The following SLC15A2 variants were observed in gnomAD, a reference collection of about 807,000 sequenced individuals.
The protein encoded by SLC15A2 is kidney H(+)/peptide cotransporter.
Under a neutral mutation model 95.5 loss-of-function variants are expected in SLC15A2, and 77 were observed. The ratio of observed to expected loss-of-function variants is 0.81; its 90% CI spans 0.67 to 0.97. The LOEUF (loss-of-function observed/expected upper bound fraction) is 0.97, where lower values mean the gene tolerates loss of function less well. Among genes scored for constraint, SLC15A2 ranks in the 50% least tolerant of loss-of-function variants. The pLI is 0.00. For missense variants in SLC15A2, 893 were observed against 874.4 expected, an observed-to-expected ratio of 1.02 and a Z score of -0.27; for synonymous variants, 306 against 306.9, an observed-to-expected ratio of 1.00 and a Z score of 0.03.
intron 3 of SLC15A2, among the ~76,000 whole-genome samples, chr3:121,908,845 A>G (rs1024989368): frequency 4.6e-5 from 7 of 151,956 alleles, no homozygotes; most frequent in Admixed American, 4.6e-4. Flanking sequence ...AGTTAAATAT[A>G]GAAGCTCTAC....
At chr3:121,896,795 A>G (rs1003287198) in intron 2 of SLC15A2, among the ~76,000 whole-genome samples, 2 of 150,818 alleles carry the variant, frequency 1.3e-5, no homozygotes, top group Non-Finnish European at 3.0e-5. Flanking sequence ...AGGCTGAAGC[A>G]GGAGGATTGC....
chr3:121,910,531 A>T (rs1709744732), intron 3 of SLC15A2, among the ~76,000 whole-genome samples: 1 of 152,058 alleles, frequency 6.6e-6, no homozygotes. Flanking sequence ...CATACACTTT[A>T]AGTTCCCTTC....
At chr3:121,929,191 A>G in intron 16 of SLC15A2, 45 bp downstream of exon 16, 1 of 1,604,534 alleles carries the variant, frequency 6.2e-7, no homozygotes, top group Non-Finnish European at 8.5e-7. Flanking sequence ...ATCTCAAAGT[A>G]ATATGACTGT....
intron 3 of SLC15A2, among the ~76,000 whole-genome samples, chr3:121,901,653 G>T (rs1302240729): frequency 6.6e-6 from 1 of 151,814 alleles, no homozygotes; most frequent in Non-Finnish European, 1.5e-5. Context: ...CAACAAAAGG[G>T]AATAAGTATT....
intron 5 of SLC15A2, chr3:121,914,877 C>CAAAG (rs1709853295): frequency 3.9e-6 from 1 of 258,098 alleles, no homozygotes; most frequent in African/African-American, 3.9e-5. Context: ...AAAAAAAAAC[C>CAAAG]ACAAACACAC....
In SLC15A2 at chr3:121,938,469, C is replaced by T. The variant is rs569957444; in HGVS notation, c.1762-880C>T. Among the ~76,000 whole-genome samples, 226 of 152,296 alleles carry T rather than the reference C, an allele frequency of 1.5e-3. 1 individual carries two copies. The highest frequency in any genetic ancestry group is 5.1e-3 in the African/African-American group (213 of 41,556). On this transcript the variant is annotated intron_variant, in intron 19 of 21. Transcript: ENST00000489711. ...AGGTGTGGGATATAATCTCGTGGTG[C>T]GCCGTTTTTTAAGCCCGTCGGAAAA...
At chr3:121,899,031 G>A (rs895873035) in intron 3 of SLC15A2, among the ~76,000 whole-genome samples, 1 of 152,084 alleles carries the variant, frequency 6.6e-6, no homozygotes, top group Non-Finnish European at 1.5e-5. Context: ...GGCACTACTT[G>A]CAGAATAAAA....
Position 121,915,272 on chromosome 3 carries a change from A to C in SLC15A2, c.574A>C (p.Asn192His). 1.2e-6 allele frequency: 2 copies of C among 1,613,964 alleles called. No homozygotes were observed. Among genetic ancestry groups the C allele is most frequent in the East Asian group, 4.5e-5 (2 of 44,860 alleles). The change falls in exon 6 of 22, where the codon AAT (asparagine) becomes CAT (histidine). Residue 192 changes from asparagine to histidine, a missense_variant. By Grantham distance (68) the Asn-to-His change is moderately conservative (BLOSUM62 1). Coordinates refer to ENST00000489711, the MANE Select transcript of SLC15A2 (RefSeq NM_021082.4). ...RYFSVFYLSI[N>H]AGSLISTFIT... ...CTTCTCAGTCTTCTACCTGTCCATC[A>C]ATGCAGGGAGCTTGATTTCTACATT...
chr3:121,921,440 AC>A, intron 7 of SLC15A2, among the ~76,000 whole-genome samples: 1 of 152,306 alleles, frequency 6.6e-6, no homozygotes, highest in African/African-American at 2.4e-5. Flanking sequence ...TAGCAGTGTA[AC>A]CTTGTACAAG....
At chr3:121,920,996 A>G (rs886597093) in intron 7 of SLC15A2, among the ~76,000 whole-genome samples, 2 of 152,252 alleles carry the variant, frequency 1.3e-5, no homozygotes, top group Non-Finnish European at 2.9e-5. Flanking sequence ...ATGAAATTGA[A>G]AAAACCACTA....
intron 7 of SLC15A2, among the ~76,000 whole-genome samples, chr3:121,915,956 G>C (rs1030097917): frequency 2.0e-5 from 3 of 152,160 alleles, no homozygotes; most frequent in Non-Finnish European, 4.4e-5. Context: ...GCCAGTCAGG[G>C]ACTTGGGCTT....
At position 121,943,413 on chromosome 3, in the gene SLC15A2, A is replaced by G. The variant is rs989055330; in HGVS notation, c.*2406A>G. ...CTGTAATGGTTCCTCACCAGGCATA[A>G]TTTGTCCTTTTACCATCCTACTTTC... On this transcript the variant is annotated 3_prime_UTR_variant, in exon 22 of 22. Coordinates refer to ENST00000489711, the MANE Select transcript of SLC15A2 (RefSeq NM_021082.4). 1.3e-5 allele frequency: 2 copies of G among 152,180 alleles called. No individual in the cohort carries two copies. The highest frequency in any genetic ancestry group is 4.8e-5 in the African/African-American group (2 of 41,438). The allele number at this position is 152,180 out of a possible 1,614,324, so 9.4% of individuals were successfully genotyped here.
At position 121,922,869 on chromosome 3, in the gene SLC15A2, G is replaced by C. The variant is rs752136497; in HGVS notation, c.867+8G>C. ...GCGGCTGAGAAATATCCAGTAAGTT[G>C]GAAATGCAGAAACATCTTATGGCTT... On this transcript the variant is annotated splice_region_variant and intron_variant, in intron 9 of 21. Coordinates refer to ENST00000489711, the MANE Select transcript of SLC15A2 (RefSeq NM_021082.4). 1.9e-6 allele frequency: 3 copies of C among 1,610,212 alleles called. No individual in the cohort carries two copies. In the Admixed American group the frequency reaches 5.0e-5, roughly 27 times the overall value.
chr3:121,905,674 A>G (rs1709623126), intron 3 of SLC15A2, among the ~76,000 whole-genome samples: 1 of 152,146 alleles, frequency 6.6e-6, no homozygotes, highest in Admixed American at 6.5e-5. Context: ...GAGTTTCTTA[A>G]TCCTGAGTTC....
intron 3 of SLC15A2, among the ~76,000 whole-genome samples, chr3:121,911,179 A>G (rs939156896): frequency 2.6e-5 from 4 of 152,146 alleles, no homozygotes; most frequent in African/African-American, 9.7e-5. Flanking sequence ...CTAAGGTCCA[A>G]ATATCCTCTT....
In SLC15A2 at chr3:121,931,599, G is replaced by A. The variant is rs935907571; in HGVS notation, c.1665-40G>A. ...CCTGGAGATGGGAATGCTTTTCCAA[G>A]CCTTGATATTTATTCTAACCTAAAT... On this transcript the variant is annotated intron_variant, in intron 18 of 21. Coordinates refer to ENST00000489711, the MANE Select transcript of SLC15A2 (RefSeq NM_021082.4). 5.9e-6 allele frequency: 8 copies of A among 1,347,980 alleles called. No individual in the cohort carries two copies. In the African/African-American group the frequency reaches 1.1e-4, roughly 19 times the overall value. The allele number at this position is 1,347,980 out of a possible 1,614,324, so 83.5% of individuals were successfully genotyped here.
chr3:121,911,764 C>A, intron 4 of SLC15A2, 98 bp downstream of exon 4: 3 of 778,322 alleles, frequency 3.9e-6, no homozygotes, highest in South Asian at 1.6e-5. Context: ...TATTTTCAAT[C>A]TACAGTTTAC....
At chr3:121,899,292 T>C (rs932028088) in intron 3 of SLC15A2, among the ~76,000 whole-genome samples, 2 of 152,110 alleles carry the variant, frequency 1.3e-5, no homozygotes, top group Non-Finnish European at 2.9e-5. Flanking sequence ...TTACATAAAG[T>C]ACACAAATTC....
chr3:121,941,136 A>G lies in SLC15A2; in HGVS notation c.*129A>G, dbSNP rs114413458. On this transcript the variant is annotated 3_prime_UTR_variant, in exon 22 of 22. Coordinates refer to ENST00000489711, the MANE Select transcript of SLC15A2 (RefSeq NM_021082.4). ...ATCTCCTCCACCTTTCTCCAATGAC[A>G]GAAGTTCCAGGACTGGTTTTCCAGT... is the stretch of plus-strand genomic sequence containing the variant. The G allele has an allele frequency of 7.3e-5, 59 of 803,840 alleles. No homozygotes were observed. Among genetic ancestry groups the G allele is most frequent in the Middle Eastern group, 7.6e-4 (2 of 2,618 alleles). The allele number at this position is 803,840 out of a possible 1,614,324, so 49.8% of individuals were successfully genotyped here. A position where few individuals can be genotyped will look rare whatever the true frequency, so the allele number is the denominator to read the frequency against.
Sources: gnomAD v4.1 joint callset for allele counts (sites outside exome capture counted in the v4.1 genomes callset) on GRCh38, gnomAD v4.1.1 for gene constraint, MANE v1.5 for transcripts, NCBI Gene and HGNC (gene_info 2026-07-23, HGNC 2026-07-21) for gene names.